Variants in SERINC4 observed in about 807,000 individuals in gnomAD.
SERINC4 encodes serine incorporator 4.
Under a neutral mutation model 52.0 loss-of-function variants are expected in SERINC4, and 52 were observed. The ratio of observed to expected loss-of-function variants is 1.00; its 90% confidence interval spans 0.80 to 1.26. The LOEUF is 1.26. Ranked by LOEUF, SERINC4 falls within the 50% of genes most tolerant of loss-of-function variation. SERINC4 has a pLI of 0.00. For synonymous variants in SERINC4, 264 were observed against 247.7 expected (o/e 1.07, Z -0.62); for missense variants, 723 against 632.8 (o/e 1.14, Z -1.53).
At position 43,795,721 on chromosome 15, in the gene SERINC4, AAC is replaced by A. The variant is rs767483405; in HGVS notation, c.1154_1155del (p.Cys385PhefsTer5). ...YSYEFQKPSL[C>X]FCCPETVEAD... ...GCCTCCACTGTTTCAGGGCAGCAGAAACACAGTGAGGGCTTCTGCAAAACAGA... is the reference window on the plus strand; with the variant it reads ...GCCTCCACTGTTTCAGGGCAGCAGAAACAGTGAGGGCTTCTGCAAAACAGA... On this transcript the variant is annotated frameshift_variant, in exon 10 of 12. Coordinates refer to ENST00000319327, the MANE Select transcript of SERINC4 (RefSeq NM_001258031.2). LOFTEE classifies it high-confidence loss of function. 1.9e-6 allele frequency: 3 copies of A among 1,613,972 alleles called. No homozygotes were observed. The highest frequency in any genetic ancestry group is 1.7e-5 in the Admixed American group (1 of 59,984).
chr15:43,796,456 A>G, intron 8 of SERINC4, 160 bp downstream of exon 8: 2 of 843,444 alleles, frequency 2.4e-6, no homozygotes, highest in Non-Finnish European at 1.9e-6. Context: ...AGATCATCTG[A>G]CAAAGTACTA....
Position 43,798,515 on chromosome 15 carries a change from G to A in SERINC4, c.459-11C>T. The stretch of plus-strand genomic sequence containing the variant: ...TTGAGGAGCCAGAAGCTGGTTAGGA[G>A]GGAGAAAGAAAAACAGACTCAGGAG... On this transcript the variant is annotated splice_polypyrimidine_tract_variant and intron_variant, in intron 3 of 11. Transcript: ENST00000319327. 1 of 1,606,200 alleles carries A rather than the reference G, an allele frequency of 6.2e-7. No homozygotes were observed. The highest frequency in any genetic ancestry group is 8.5e-7 in the Non-Finnish European group (1 of 1,172,876).
At position 43,796,843 on chromosome 15, in the gene SERINC4, A is replaced by C; in HGVS notation, c.940+2T>G. On this transcript the variant is annotated splice_donor_variant, in intron 7 of 11. Coordinates refer to ENST00000319327, the MANE Select transcript of SERINC4 (RefSeq NM_001258031.2). LOFTEE classifies it high-confidence loss of function. Reference sequence around the variant, plus strand: ...ATGGAGAATCCAGGTCCTGTCCCTTACCTCTCTCTGGAGGACGGCTGGACA... The same window carrying C: ...ATGGAGAATCCAGGTCCTGTCCCTTCCCTCTCTCTGGAGGACGGCTGGACA... 6.2e-7 allele frequency: 1 copy of C among 1,613,730 alleles called. No homozygotes were observed. The highest frequency in any genetic ancestry group is 8.5e-7 in the Non-Finnish European group (1 of 1,179,620).
At chr15:43,796,963 T>G (rs2087229047) in intron 6 of SERINC4, 23 bp from the exon 7 acceptor site, 2 of 1,593,692 alleles carry the variant, frequency 1.3e-6, no homozygotes, top group South Asian at 2.2e-5. Context: ...TATAATTGCT[T>G]TAGTCTACAG....
Position 43,799,309 on chromosome 15 carries a change from C to G in SERINC4, c.279+1G>C. On this transcript the variant is annotated splice_donor_variant, in intron 2 of 11. Transcript: ENST00000319327. LOFTEE classifies it high-confidence loss of function. ...TGACAACCCGACCCCCTCTCACTTACCCTGTGTGTCTTGCCCCACACCCTT... is the reference window on the plus strand; with the variant it reads ...TGACAACCCGACCCCCTCTCACTTAGCCTGTGTGTCTTGCCCCACACCCTT... 1 of 1,550,462 alleles carries G rather than the reference C, an allele frequency of 6.4e-7. No individual in the cohort carries two copies.
At position 43,794,696 on chromosome 15, in the gene SERINC4, C is replaced by A; in HGVS notation, c.*304G>T. ...TCTTTCCCCACCCCCACTTCCAGCC[C>A]AAGAGCCAGGAAAGGGCTGGTGCCA... On this transcript the variant is annotated 3_prime_UTR_variant, in exon 12 of 12. Coordinates refer to ENST00000319327, the MANE Select transcript of SERINC4 (RefSeq NM_001258031.2). 1 of 298,062 alleles carries A rather than the reference C, an allele frequency of 3.4e-6. No individual in the cohort carries two copies. The allele number at this position is 298,062 out of a possible 1,614,324, so 18.5% of individuals were successfully genotyped here. A position where few individuals can be genotyped will look rare whatever the true frequency, so the allele number is the denominator to read the frequency against.
chr15:43,799,632 C>T, intron 1 of SERINC4, 146 bp from the exon 2 acceptor site: 3 of 1,079,436 alleles, frequency 2.8e-6, no homozygotes, highest in Non-Finnish European at 2.8e-6. Flanking sequence ...CTGTTTCAAG[C>T]TGATTCCAGC....
At chr15:43,796,586 C>T in intron 8 of SERINC4, 30 bp downstream of exon 8, 3 of 1,612,728 alleles carry the variant, frequency 1.9e-6, no homozygotes, top group Middle Eastern at 1.7e-4. Context: ...ACCCTCCTTT[C>T]ATACCTCCAC....
chr15:43,795,435 GA>G lies in SERINC4; in HGVS notation c.1295del (p.Phe432SerfsTer70). Reference sequence around the variant, plus strand: ...CCATGACATAGAGTGAGGCAAGGAAGAAGACGAAGTGGAAGGCAGAATAGTT... The same window carrying G: ...CCATGACATAGAGTGAGGCAAGGAAGAGACGAAGTGGAAGGCAGAATAGTT... ...SYNYSAFHFV[F>X]FLASLYVMVT... On this transcript the variant is annotated frameshift_variant, in exon 11 of 12. Transcript: ENST00000319327. LOFTEE classifies it high-confidence loss of function. 1 of 1,614,202 alleles carries G rather than the reference GA, an allele frequency of 6.2e-7. No homozygotes were observed. The highest frequency in any genetic ancestry group is 8.5e-7 in the Non-Finnish European group (1 of 1,180,034).
At chr15:43,795,285 A>G (rs2087181958) in intron 11 of SERINC4, 72 bp from the exon 12 acceptor site, 3 of 1,590,804 alleles carry the variant, frequency 1.9e-6, no homozygotes, top group Admixed American at 1.7e-5. Context: ...CCTCCTCACC[A>G]AATATAATGG....
rs1450584630 is a variant in SERINC4 at position 43,799,369 on chromosome 15, T to C, written c.220A>G (p.Ile74Val). 25 of 1,550,980 alleles carry C rather than the reference T, an allele frequency of 1.6e-5. No homozygotes were observed. The highest frequency in any genetic ancestry group is 1.5e-4 in the African/African-American group (11 of 73,030). Residue 74 changes from isoleucine (I) to valine (V), a missense_variant, in exon 2 of 12, where the codon ATC (isoleucine) becomes GTC (valine). Transcript: ENST00000319327. ...GTCCTTGACAGCAGGAGGCAGCAGA[T>C]TGCTGAGGCCCCCACATGGAGGAGG... The part of the protein sequence containing the change: ...YILLHVGASA[I>V]CCLLLSRTVV...
intron 8 of SERINC4, 53 bp downstream of exon 8, chr15:43,796,563 C>T: frequency 6.3e-7 from 1 of 1,598,062 alleles, no homozygotes; most frequent in East Asian, 2.2e-5. Context: ...GACCATCCTT[C>T]CCTGTCTTGG....
At chr15:43,796,576 A>G in intron 8 of SERINC4, 40 bp downstream of exon 8, 3 of 1,606,292 alleles carry the variant, frequency 1.9e-6, no homozygotes, top group Non-Finnish European at 2.6e-6. Flanking sequence ...TGTCTTGGGC[A>G]CCCTCCTTTC....
intron 5 of SERINC4, chr15:43,797,700 A>G (rs998650046): frequency 1.7e-5 from 9 of 543,884 alleles, no homozygotes; most frequent in Non-Finnish European, 3.0e-5. Flanking sequence ...TGGAGCTCCA[A>G]CTCTTTTACC....
In SERINC4 at chr15:43,796,161, C is replaced by T; in HGVS notation, c.1134G>A (p.Glu378=). 2 of 1,612,776 alleles carry T rather than the reference C, an allele frequency of 1.2e-6. No homozygotes were observed. Among genetic ancestry groups the T allele is most frequent in the Non-Finnish European group, 1.7e-6 (2 of 1,178,832 alleles). ...TGGAGCTCTTTATCCTCACCTGAAA[C>T]TCATAGCTGTAAACCTTGACAATCC... ...PLWIVKVYSY[E]FQKPSLCFCC... The change falls in exon 9 of 12, where the codon GAG becomes GAA. Residue 378 remains glutamate (E), a synonymous_variant. Coordinates refer to ENST00000319327, the MANE Select transcript of SERINC4 (RefSeq NM_001258031.2).
At chr15:43,797,725 C>A (rs2087242251) in intron 5 of SERINC4, 195 bp downstream of exon 5, 2 of 575,644 alleles carry the variant, frequency 3.5e-6, no homozygotes, top group South Asian at 4.1e-5. Context: ...ACCAACTACT[C>A]CCCTGCTCTC....
At chr15:43,796,514 T>A in intron 8 of SERINC4, 102 bp downstream of exon 8, 1 of 1,314,220 alleles carries the variant, frequency 7.6e-7, no homozygotes. Flanking sequence ...CACTCTAGTC[T>A]TGCTCTAAAC....
rs773710636 is a variant in SERINC4, at chr15:43,794,985, G to C, written c.*15C>G. ...GGAGTACAATGTCAGGGGAACCCCA[G>C]TTTGTGAAAAGGACTTAGACTGGAG... On this transcript the variant is annotated 3_prime_UTR_variant, in exon 12 of 12. Transcript: ENST00000319327. 1.9e-6 allele frequency: 3 copies of C among 1,595,204 alleles called. No homozygotes were observed. The highest frequency in any genetic ancestry group is 1.3e-5 in the African/African-American group (1 of 74,526).
Position 43,795,872 on chromosome 15 carries a change from T to C in SERINC4, c.1141-136A>G, listed in dbSNP as rs1447771584. On this transcript the variant is annotated intron_variant, in intron 9 of 11. Transcript: ENST00000319327. ...CTGGGTTCAAATTCTAGCTCCAGCA[T>C]ATAAGTGGCTGTGCAGACTTTGGTA... 10 of 825,946 alleles carry C rather than the reference T, an allele frequency of 1.2e-5. No homozygotes were observed. In the East Asian group the frequency reaches 2.7e-4, roughly 22 times the overall value. The allele number at this position is 825,946 out of a possible 1,614,324, so 51.2% of individuals were successfully genotyped here. A position where few individuals can be genotyped will look rare whatever the true frequency, so the allele number is the denominator to read the frequency against.
Sources: allele counts gnomAD v4.1 joint callset, GRCh38; gene constraint gnomAD v4.1.1; transcripts MANE v1.5; gene names NCBI Gene and HGNC (gene_info 2026-07-23, HGNC 2026-07-21).